CEP95: variants seen among roughly 807,000 people sequenced by gnomAD.
CEP95 encodes centrosomal protein 95.
In CEP95, 98 loss-of-function variants were observed where a neutral mutation model predicts 111.2. The observed-to-expected ratio is 0.88, with a 90% confidence interval of 0.75 to 1.04. CEP95 has a LOEUF of 1.04. CEP95 is among the 50% of genes least tolerant of loss of function. CEP95 has a pLI of 0.00. For synonymous variants in CEP95, 323 were observed against 327.1 expected (o/e 0.99, Z 0.14); for missense variants, 1,027 against 977.2 (o/e 1.05, Z -0.68).
Position 64,519,433 on chromosome 17 carries a change from A to G in CEP95, c.586A>G (p.Asn196Asp), listed in dbSNP as rs181848970. The G allele has an allele frequency of 6.2e-6, 10 of 1,603,300 alleles. No homozygotes were observed. The Admixed American group carries it at 1.7e-4, about 27-fold the overall frequency. The stretch of plus-strand genomic sequence containing the variant: ...AGCACACACCTTTTCTCTAAGAAGT[A>G]ATGGTGAGTAGTTAAACCTGAAGTA... The part of the protein sequence containing the change: ...DTAHTFSLRS[N>D]GAQCPNEMLS... The change falls in exon 6 of 20, where the codon AAT becomes GAT. Residue 196 changes from asparagine to aspartate, a missense_variant. Physicochemically the swap from Asn to Asp is conservative, Grantham distance 23. Transcript: ENST00000556440.
chr17:64,530,012 G>C (rs1555679930), intron 12 of CEP95, among the ~76,000 whole-genome samples: 1 of 152,204 alleles, frequency 6.6e-6, no homozygotes, highest in Non-Finnish European at 1.5e-5. Flanking sequence ...TTCCACTCAG[G>C]AGAGTATCAA....
chr17:64,511,139 C>A (rs1415790305), intron 3 of CEP95, among the ~76,000 whole-genome samples: 2 of 152,080 alleles, frequency 1.3e-5, no homozygotes, highest in South Asian at 4.1e-4. Context: ...GGAGGCAGGG[C>A]GAGATCACAG....
chr17:64,521,558 G>A (rs782227994), intron 7 of CEP95, 31 bp downstream of exon 7: 2 of 1,594,308 alleles, frequency 1.3e-6, no homozygotes, highest in Admixed American at 1.8e-5. Flanking sequence ...GTTCTTTACT[G>A]CTGATGATCA....
rs137904746 is a variant in CEP95 at position 64,532,691 on chromosome 17, G to C, written c.1673-148G>C. On this transcript the variant is annotated intron_variant, in intron 14 of 19. Transcript: ENST00000556440. ...AGTAGTTGGCTTACTCCAATCAGAGGAGTAATGCAAATTATTATAAGTACA... is the reference window on the plus strand; with the variant it reads ...AGTAGTTGGCTTACTCCAATCAGAGCAGTAATGCAAATTATTATAAGTACA... 335 of 1,440,524 alleles carry C rather than the reference G, an allele frequency of 2.3e-4. 1 individual carries two copies. The African/African-American group carries it at 4.5e-3, about 19-fold the overall frequency. The allele number at this position is 1,440,524 out of a possible 1,614,324, so 89.2% of individuals were successfully genotyped here.
chr17:64,510,455 G>A (rs1466450969), intron 3 of CEP95, among the ~76,000 whole-genome samples, 175 bp downstream of exon 3: 1 of 152,212 alleles, frequency 6.6e-6, no homozygotes, highest in Non-Finnish European at 1.5e-5. Context: ...ACTTTTCCAG[G>A]AGAGCTGAAC....
rs1162203909 is a variant in CEP95 at position 64,514,326 on chromosome 17, C to G, written c.335C>G (p.Thr112Arg). ...EIFDGLLEYL[T>R]ERISETSHEK... is the part of the protein sequence containing the mutation. The stretch of plus-strand genomic sequence containing the variant: ...TTTGATGGTTTGTTGGAGTATCTTA[C>G]AGAACGCATCAGTGAAACATCTCAT... The change falls in exon 4 of 20, where the codon ACA (threonine) becomes AGA (arginine). Residue 112 changes from threonine (T) to arginine (R), a missense_variant. Physicochemically the swap from Thr to Arg is moderately conservative, Grantham distance 71. Coordinates refer to ENST00000556440, the MANE Select transcript of CEP95 (RefSeq NM_138363.3). 8.6e-6 allele frequency: 13 copies of G among 1,517,524 alleles called. No homozygotes were observed. The highest frequency in any genetic ancestry group is 1.2e-5 in the Non-Finnish European group (13 of 1,116,252). The allele number at this position is 1,517,524 out of a possible 1,614,324, so 94.0% of individuals were successfully genotyped here. A position where few individuals can be genotyped will look rare whatever the true frequency, so the allele number is the denominator to read the frequency against.
chr17:64,537,430 A>C, intron 19 of CEP95, 173 bp from the exon 20 acceptor site: 2 of 1,381,686 alleles, frequency 1.4e-6, no homozygotes, highest in South Asian at 3.9e-5. Context: ...TCTATGACCC[A>C]AGACATTTTT....
chr17:64,514,173 T>C lies in CEP95; in HGVS notation c.257-75T>C, dbSNP rs1199768119. 12 of 618,170 alleles carry C rather than the reference T, an allele frequency of 1.9e-5. 1 individual carries two copies. Among genetic ancestry groups the C allele is most frequent in the East Asian group, 1.1e-4 (4 of 35,988 alleles). The allele number at this position is 618,170 out of a possible 1,614,324, so 38.3% of individuals were successfully genotyped here. On this transcript the variant is annotated intron_variant, in intron 3 of 19. Transcript: ENST00000556440. The stretch of plus-strand genomic sequence containing the variant: ...CTTAAATAGCATTTTCACAATGTTA[T>C]ATCCAAGTTTCAAGATTATGAAGCT...
In CEP95 at chr17:64,534,804, CTTTG is replaced by C. The variant is rs782202747; in HGVS notation, c.2070+70_2070+73del. On this transcript the variant is annotated intron_variant, in intron 17 of 19. Coordinates refer to ENST00000556440, the MANE Select transcript of CEP95 (RefSeq NM_138363.3). The stretch of plus-strand genomic sequence containing the variant: ...CTTTGTTATCTTTCAGGACCACCTT[CTTTG>C]TTCGTGACTCTTGTCCAAATTTGAA... 2.8e-5 allele frequency: 43 copies of C among 1,545,778 alleles called. 1 individual carries two copies. In the African/African-American group the frequency reaches 5.4e-4, roughly 20 times the overall value.
chr17:64,527,042 C>T, intron 10 of CEP95, 69 bp from the exon 11 acceptor site: 1 of 1,309,566 alleles, frequency 7.6e-7, no homozygotes, highest in Admixed American at 1.9e-5. Context: ...TTTTAAAGGT[C>T]TGCCTACTCC....
chr17:64,537,634 C>T lies in CEP95; in HGVS notation c.2321C>T (p.Ser774Phe). 1 of 1,610,682 alleles carries T rather than the reference C, an allele frequency of 6.2e-7. No individual in the cohort carries two copies. The highest frequency in any genetic ancestry group is 1.1e-5 in the South Asian group (1 of 90,416). Residue 774 changes from serine to phenylalanine, a missense_variant, in exon 20 of 20, where the codon TCT (serine) becomes TTT (phenylalanine). By Grantham distance (155) the Ser-to-Phe change is radical (BLOSUM62 -2). Coordinates refer to ENST00000556440, the MANE Select transcript of CEP95 (RefSeq NM_138363.3). ...TLHKVKRELR[S>F]KMEKEIQQLQ... ...CATAAGGTGAAGAGGGAGCTGAGATCTAAGATGGAGAAGGAAATTCAGCAG... is the reference window on the plus strand; with the variant it reads ...CATAAGGTGAAGAGGGAGCTGAGATTTAAGATGGAGAAGGAAATTCAGCAG...
At chr17:64,506,958 C>A (rs1280956303), upstream of CEP95, 7 of 889,598 alleles carry the variant, frequency 7.9e-6, no homozygotes, top group Non-Finnish European at 1.1e-5. Flanking sequence ...TTTTAACGTC[C>A]GTCCTTCTTT....
chr17:64,527,324 A>G, intron 11 of CEP95, 60 bp downstream of exon 11: 7 of 1,295,118 alleles, frequency 5.4e-6, no homozygotes, highest in Non-Finnish European at 7.3e-6. Context: ...AGGCAGTTCC[A>G]TCTGTTCTTA....
chr17:64,533,169 A>AAT lies in CEP95; in HGVS notation c.1898_1899dup (p.Glu634MetfsTer19). ...CTCCTTACTACCCTTGTCAAGAAAG[A>AAT]ATATGAACATAACAAGAGACTGGTA... On this transcript the variant is annotated frameshift_variant, in exon 16 of 20. Coordinates refer to ENST00000556440, the MANE Select transcript of CEP95 (RefSeq NM_138363.3). LOFTEE classifies it high-confidence loss of function. The AAT allele has an allele frequency of 6.3e-7, 1 of 1,588,820 alleles. No homozygotes were observed. The highest frequency in any genetic ancestry group is 8.5e-7 in the Non-Finnish European group (1 of 1,173,822).
intron 8 of CEP95, among the ~76,000 whole-genome samples, chr17:64,524,923 A>G (rs1166573632): frequency 6.6e-6 from 1 of 152,042 alleles, no homozygotes; most frequent in Non-Finnish European, 1.5e-5. Context: ...GTGACCCAAG[A>G]CTGCACCACT....
intron 11 of CEP95, among the ~76,000 whole-genome samples, chr17:64,528,486 T>G (rs1405342996): frequency 6.6e-6 from 1 of 152,218 alleles, no homozygotes; most frequent in Non-Finnish European, 1.5e-5. Flanking sequence ...TTATTTCAAG[T>G]GCGTCTTCAG....
intron 19 of CEP95, 59 bp from the exon 20 acceptor site, chr17:64,537,544 A>G (rs1018448681): frequency 2.1e-5 from 32 of 1,494,280 alleles, no homozygotes; most frequent in Admixed American, 4.3e-5. Flanking sequence ...AGAGGGAACA[A>G]TAGATGAGGG....
At position 64,517,858 on chromosome 17, in the gene CEP95, C is replaced by T. The variant is rs561823979; in HGVS notation, c.473+1030C>T. Among the ~76,000 whole-genome samples the T allele has an allele frequency of 6.6e-5, 10 of 151,968 alleles. No homozygotes were observed. The South Asian group carries it at 1.9e-3, about 28-fold the overall frequency. ...TCGTTTCCTGCATTTTTAAACTTAA[C>T]ATTAAGTGTTCTCAAGTTGTTTAAT... On this transcript the variant is annotated intron_variant, in intron 5 of 19. Transcript: ENST00000556440.
rs1555674523 is a variant in CEP95 at position 64,510,271 on chromosome 17, C to G, written c.247C>G (p.His83Asp). 4.4e-6 allele frequency: 7 copies of G among 1,588,944 alleles called. No individual in the cohort carries two copies. Among genetic ancestry groups the G allele is most frequent in the Non-Finnish European group, 6.0e-6 (7 of 1,159,040 alleles). Residue 83 changes from histidine to aspartate, a missense_variant, in exon 3 of 20, where the codon CAC becomes GAC. Coordinates refer to ENST00000556440, the MANE Select transcript of CEP95 (RefSeq NM_138363.3). ...GGACTACTTGCAGGTCAGCTTGTCT[C>G]ACATAACAGGTTGGTATATGTATAA... ...ALDYLQVSLS[H>D]ITGENIVKGD...
Sources: allele counts gnomAD v4.1 joint callset (sites outside exome capture counted in the v4.1 genomes callset), GRCh38; gene constraint gnomAD v4.1.1; transcripts MANE v1.5; gene names NCBI Gene and HGNC (gene_info 2026-07-23, HGNC 2026-07-21).